Variants in SBNO2 observed in about 807,000 individuals in gnomAD.
The protein encoded by SBNO2 is strawberry notch homolog 2.
SBNO2 carries 89 observed loss-of-function variants against 146.3 expected under a neutral mutation model. The ratio of observed to expected loss-of-function variants is 0.61; its 90% CI spans 0.51 to 0.73. SBNO2 has a LOEUF of 0.73. SBNO2 is among the 30% of genes least tolerant of loss of function. The pLI is 0.00. For missense variants in SBNO2, 2,092 were observed against 2,003.7 expected (o/e 1.04, Z -0.84); for synonymous variants, 1,147 against 892.6 (o/e 1.29, Z -5.08).
chr19:1,153,784 C>A (rs1457343531), intron 2 of SBNO2, among the ~76,000 whole-genome samples: 1 of 152,174 alleles, frequency 6.6e-6, no homozygotes, highest in Non-Finnish European at 1.5e-5. Flanking sequence ...GTGATCTGCC[C>A]ACCTCCACCT....
Position 1,110,866 on chromosome 19 carries a change from C to T in SBNO2, c.2907G>A (p.Leu969=), listed in dbSNP as rs2079749401. 1.9e-6 allele frequency: 3 copies of T among 1,613,732 alleles called. No individual in the cohort carries two copies. The highest frequency in any genetic ancestry group is 1.3e-5 in the African/African-American group (1 of 75,018). ...GCACCTCCAGCCCCAGGATGCGGTT[C>T]AGGAACTTGGTGATGGAACAGTCTG... ...VEKDCSITKF[L]NRILGLEVHK... The change falls in exon 26 of 32, where the codon CTG becomes CTA. Residue 969 remains leucine (L), a synonymous_variant. Transcript: ENST00000361757. This position sits in a 1 kb window ranked among gnomAD's most constrained non-coding sequence, Gnocchi z 4.9.
Position 1,111,987 on chromosome 19 carries a change from C to T in SBNO2, c.2700+9G>A, listed in dbSNP as rs1450082337. ...GCCCCGCCCCCCAACCCTGCCTTCC[C>T]TGCAGTACCTTGTTCTCAAAGTTGT... On this transcript the variant is annotated intron_variant, in intron 23 of 31. Coordinates refer to ENST00000361757, the MANE Select transcript of SBNO2 (RefSeq NM_014963.3). 6.2e-7 allele frequency: 1 copy of T among 1,611,354 alleles called. No individual in the cohort carries two copies. The highest frequency in any genetic ancestry group is 8.5e-7 in the Non-Finnish European group (1 of 1,179,524).
At chr19:1,115,261 G>C (rs889724503) in intron 17 of SBNO2, 4 of 144,264 alleles carry the variant, frequency 2.8e-5, no homozygotes, top group Non-Finnish European at 4.7e-5. Flanking sequence ...ATTTTTTTGA[G>C]ACAAGAGTTT....
At chr19:1,143,253 G>A (rs938360668) in intron 4 of SBNO2, among the ~76,000 whole-genome samples, 1 of 152,324 alleles carries the variant, frequency 6.6e-6, no homozygotes, top group African/African-American at 2.4e-5. Context: ...TCAGGCAGGA[G>A]AATCGCTTGA....
Position 1,108,962 on chromosome 19 carries a change from G to A in SBNO2, c.3433C>T (p.His1145Tyr), listed in dbSNP as rs1025893804. 1.1e-5 allele frequency: 17 copies of A among 1,533,676 alleles called. No homozygotes were observed. Among genetic ancestry groups the A allele is most frequent in the Non-Finnish European group, 1.5e-5 (17 of 1,145,846 alleles). Residue 1145 changes from histidine to tyrosine, a missense_variant, in exon 31 of 32, where the codon CAC (histidine) becomes TAC (tyrosine). Transcript: ENST00000361757. ...THCSHSAWNR[H>Y]CRLAQEGKDC... The stretch of plus-strand genomic sequence containing the variant: ...TTACCCTCCTGCGCCAGCCGGCAGT[G>A]CCGGTTCCTGCGGACGAGACGGGTC...
chr19:1,112,490 T>G lies in SBNO2; in HGVS notation c.2427A>C (p.Gln809His), dbSNP rs778064915. The change falls in exon 21 of 32, where the codon CAA (glutamine) becomes CAC (histidine). Residue 809 changes from glutamine to histidine, a missense_variant. Transcript: ENST00000361757. The surrounding 1 kb of genome is among the most constrained non-coding windows in gnomAD (Gnocchi z 5.9). ...SEASSSGVSL[Q>H]ADRRVQNQRR... ...GCTGGTTCTGGACACGGCGGTCGGC[T>G]TGGAGGGAGACACCCGAGCTGGAGG... The G allele has an allele frequency of 1.2e-6, 2 of 1,606,478 alleles. No homozygotes were observed. Among genetic ancestry groups the G allele is most frequent in the Admixed American group, 1.7e-5 (1 of 59,760 alleles).
Position 1,136,560 on chromosome 19 carries a change from G to C in SBNO2, c.280-8795C>G, listed in dbSNP as rs1383742284. ...GCTGTGGCCTCAGCACAGACCAGGG[G>C]ACAGAAGGTGGCTCTTCTTGGCCTT... On this transcript the variant is annotated intron_variant, in intron 4 of 31. Coordinates refer to ENST00000361757, the MANE Select transcript of SBNO2 (RefSeq NM_014963.3). This position sits in a 1 kb window ranked among gnomAD's most constrained non-coding sequence, Gnocchi z 4.2. Among the ~76,000 whole-genome samples the C allele has an allele frequency of 6.6e-6, 1 of 152,256 alleles. No homozygotes were observed. The highest frequency in any genetic ancestry group is 1.9e-4 in the East Asian group (1 of 5,200).
rs368009899 is a variant in SBNO2 at position 1,122,309 on chromosome 19, A to G, written c.1006-27T>C. The G allele has an allele frequency of 3.9e-6, 6 of 1,541,576 alleles. No homozygotes were observed. The African/African-American group carries it at 8.2e-5, about 21-fold the overall frequency. ...TGGGGATGCACAGAACAGGTGTGGA[A>G]TGGGGCCCCGGCTCAGCAGGCTCTG... On this transcript the variant is annotated intron_variant, in intron 10 of 31. Transcript: ENST00000361757.
Position 1,113,616 on chromosome 19 carries a change from C to A in SBNO2, c.2166G>T (p.Val722=), listed in dbSNP as rs761219169. The change falls in exon 19 of 32, where the codon GTG becomes GTT. Residue 722 remains valine, a synonymous_variant. Transcript: ENST00000361757. ...CTGGCAGTTCCCGGCCCAGCCGCCG[C>A]ACTTTGTCCAGCAGATCCTGCTTCA... ...ERLKQDLLDK[V]RRLGRELPVN... 3 of 1,598,368 alleles carry A rather than the reference C, an allele frequency of 1.9e-6. No homozygotes were observed. In the Admixed American group the frequency reaches 5.2e-5, roughly 28 times the overall value.
At chr19:1,115,776 C>G in intron 17 of SBNO2, 2 of 572,674 alleles carry the variant, frequency 3.5e-6, no homozygotes, top group Middle Eastern at 2.8e-4. Flanking sequence ...CCCCCCGGGT[C>G]TCGCTCGGCA....
intron 4 of SBNO2, among the ~76,000 whole-genome samples, chr19:1,139,885 C>G (rs1270481924): frequency 1.3e-5 from 2 of 152,056 alleles, no homozygotes; most frequent in African/African-American, 4.8e-5. Flanking sequence ...GCAGAGTTTG[C>G]CATGAGCCGA....
At chr19:1,159,068 C>T (rs559823470) in intron 1 of SBNO2, among the ~76,000 whole-genome samples, 3 of 149,104 alleles carry the variant, frequency 2.0e-5, no homozygotes, top group African/African-American at 5.2e-5. Flanking sequence ...CGGCTGCAAC[C>T]GCCGCCCCAC....
chr19:1,127,283 G>A (rs2079976078), intron 5 of SBNO2, among the ~76,000 whole-genome samples: 1 of 152,188 alleles, frequency 6.6e-6, no homozygotes, highest in Non-Finnish European at 1.5e-5. Flanking sequence ...GTGGACACGG[G>A]GCAGGGTCCC....
chr19:1,113,423 C>T (rs983733119), intron 19 of SBNO2, 112 bp downstream of exon 19: 11 of 996,568 alleles, frequency 1.1e-5, no homozygotes, highest in Non-Finnish European at 1.1e-5. Context: ...CGCAGGGCCG[C>T]GGAGACGCAG....
In SBNO2 at chr19:1,154,389, G is replaced by A. The variant is rs574241116; in HGVS notation, c.-113C>T. ...CTCGCTCCGTGGTGGCGGCGGTGGCGGCAGCATCATGATCTGCAGAGGGAG... is the reference window on the plus strand; with the variant it reads ...CTCGCTCCGTGGTGGCGGCGGTGGCAGCAGCATCATGATCTGCAGAGGGAG... On this transcript the variant is annotated 5_prime_UTR_variant, in exon 2 of 32. Transcript: ENST00000361757. 1.3e-3 allele frequency: 624 copies of A among 477,440 alleles called. 1 individual carries two copies. The highest frequency in any genetic ancestry group is 1.8e-3 in the Non-Finnish European group (533 of 299,866). The allele number at this position is 477,440 out of a possible 1,614,324, so 29.6% of individuals were successfully genotyped here. A position where few individuals can be genotyped will look rare whatever the true frequency, so the allele number is the denominator to read the frequency against.
At chr19:1,115,263 CAA>C (rs34500883) in intron 17 of SBNO2, 27,654 of 150,892 alleles carry the variant, frequency 0.18, 2,783 homozygotes, top group Non-Finnish European at 0.22. Context: ...TTTTTTGAGA[CAA>C]GAGTTTTTTC....
chr19:1,132,148 G>GGGGGGCCA, intron 4 of SBNO2: 1 of 1,471,116 alleles, frequency 6.8e-7, no homozygotes, highest in Non-Finnish European at 9.0e-7. Context: ...CCCGGCGCTC[G>GGGGGGCCA]GGGGGCCAGG....
chr19:1,126,010 T>A lies in SBNO2; in HGVS notation c.441+1594A>T, dbSNP rs1427988099. On this transcript the variant is annotated intron_variant, in intron 5 of 31. Transcript: ENST00000361757. This position sits in a 1 kb window ranked among gnomAD's most constrained non-coding sequence, Gnocchi z 4.4. ...TCCCGTCTCAAAATAAATAAGTAAA[T>A]AAATAAATAAGAGCATCTCTTCTAG... Among the ~76,000 whole-genome samples, 2 of 151,936 alleles carry A rather than the reference T, an allele frequency of 1.3e-5. No homozygotes were observed. Among genetic ancestry groups the A allele is most frequent in the Non-Finnish European group, 2.9e-5 (2 of 67,980 alleles).
rs1171659383 is a variant in SBNO2, at chr19:1,117,313, A to G, written c.1704+10T>C. 7 of 1,555,318 alleles carry G rather than the reference A, an allele frequency of 4.5e-6. No individual in the cohort carries two copies. The highest frequency in any genetic ancestry group is 5.2e-6 in the Non-Finnish European group (6 of 1,150,496). On this transcript the variant is annotated intron_variant, in intron 15 of 31. Coordinates refer to ENST00000361757, the MANE Select transcript of SBNO2 (RefSeq NM_014963.3). The stretch of plus-strand genomic sequence containing the variant: ...GCCGCCCTCAGCCCTCGAAGGCCGC[A>G]GCCGCTCACCTTGTCTCGCGCCAGC...
Sources: allele counts gnomAD v4.1 joint callset (sites outside exome capture counted in the v4.1 genomes callset), GRCh38; gene constraint gnomAD v4.1.1; non-coding constraint Gnocchi (gnomAD v3.1); transcripts MANE v1.5; gene names NCBI Gene and HGNC (gene_info 2026-07-23, HGNC 2026-07-21).